SPAG16: variants seen among roughly 807,000 people sequenced by gnomAD.
SPAG16 encodes the protein sperm associated antigen 16.
In SPAG16, 86 loss-of-function variants were observed where a neutral mutation model predicts 80.4. The observed-to-expected ratio is 1.07, with a 90% CI of 0.90 to 1.28. The LOEUF is 1.28. SPAG16 is among the 50% of genes most tolerant of loss of function. The pLI is 0.00. For missense variants in SPAG16, 870 were observed against 765.3 expected (o/e 1.14, Z -1.61); for synonymous variants, 294 against 265.9 (o/e 1.11, Z -1.03).
intron 15 of SPAG16, among the ~76,000 whole-genome samples, chr2:214,223,457 A>C (rs113179866): frequency 0.018 from 2,737 of 152,182 alleles, 53 homozygotes; most frequent in African/African-American, 0.043. Flanking sequence ...CATAGAAGTG[A>C]GGGAGTAACC....
At chr2:213,613,605 A>G (rs898127355) in intron 10 of SPAG16, among the ~76,000 whole-genome samples, 1 of 152,180 alleles carries the variant, frequency 6.6e-6, no homozygotes, top group Non-Finnish European at 1.5e-5. Context: ...CTATCTAAAT[A>G]TTGTAAACAT....
intron 9 of SPAG16, among the ~76,000 whole-genome samples, chr2:213,489,081 GA>G (rs58151966): frequency 0.015 from 1,337 of 90,866 alleles, 19 homozygotes; most frequent in African/African-American, 0.05. Context: ...TCTCAAAAAC[GA>G]AAAAAAAAAA....
At chr2:213,504,982 C>T (rs1344090718) in intron 10 of SPAG16, among the ~76,000 whole-genome samples, 1 of 152,208 alleles carries the variant, frequency 6.6e-6, no homozygotes, top group Admixed American at 6.5e-5. Flanking sequence ...CAGTCTTTCC[C>T]CCTCAGACTT....
chr2:213,959,004 G>T (rs2044284924), intron 12 of SPAG16, among the ~76,000 whole-genome samples: 1 of 152,108 alleles, frequency 6.6e-6, no homozygotes, highest in South Asian at 2.1e-4. Flanking sequence ...TCCTCATTTT[G>T]AAGGGTATTT....
At chr2:213,939,615 C>G (rs2079119198) in intron 12 of SPAG16, among the ~76,000 whole-genome samples, 1 of 152,234 alleles carries the variant, frequency 6.6e-6, no homozygotes, top group Non-Finnish European at 1.5e-5. Context: ...TTTCAGGTAC[C>G]TGTCACACAT....
chr2:214,394,688 C>G (rs891979718), intron 15 of SPAG16, among the ~76,000 whole-genome samples: 1 of 152,192 alleles, frequency 6.6e-6, no homozygotes, highest in Non-Finnish European at 1.5e-5. Flanking sequence ...TCAAAATCCC[C>G]TGCCAGAGTG....
Position 214,120,624 on chromosome 2 carries a change from T to C in SPAG16, c.1593+12363T>C, listed in dbSNP as rs921315766. ...GTATTGTTGTACCCAATGAGTAATT[T>C]TCATTGTCACTTAAAATGTTCTCCT... On this transcript the variant is annotated intron_variant, in intron 14 of 15. Transcript: ENST00000331683. 2.6e-5 allele frequency among the ~76,000 whole-genome samples: 4 copies of C among 151,954 alleles called. No individual in the cohort carries two copies. In the South Asian group the frequency reaches 8.3e-4, roughly 31 times the overall value.
chr2:214,270,262 T>C (rs1310655570), intron 15 of SPAG16, among the ~76,000 whole-genome samples: 1 of 152,180 alleles, frequency 6.6e-6, no homozygotes, highest in African/African-American at 2.4e-5. Flanking sequence ...TCCTGTTAAT[T>C]TCATTTGCAT....
chr2:213,895,370 A>G (rs1300386881), intron 11 of SPAG16, among the ~76,000 whole-genome samples: 1 of 152,192 alleles, frequency 6.6e-6, no homozygotes, highest in Admixed American at 6.5e-5. Context: ...ATTCAATGCA[A>G]TCCCTATCAA....
At chr2:213,967,334 G>T (rs61528899) in intron 12 of SPAG16, among the ~76,000 whole-genome samples, 1,620 of 152,206 alleles carry the variant, frequency 0.011, 37 homozygotes, top group African/African-American at 0.036. Flanking sequence ...ATCCATTAGA[G>T]AATTGGTTTT....
chr2:214,134,223 A>C (rs1235077824), intron 14 of SPAG16, among the ~76,000 whole-genome samples: 1 of 152,166 alleles, frequency 6.6e-6, no homozygotes, highest in Non-Finnish European at 1.5e-5. Context: ...TGAAGTCTAC[A>C]CTGGCCTATT....
chr2:213,702,324 C>T (rs190674596), intron 10 of SPAG16, among the ~76,000 whole-genome samples: 16 of 152,240 alleles, frequency 1.1e-4, no homozygotes, highest in African/African-American at 3.1e-4. Flanking sequence ...CCGCTTGGGT[C>T]TCTTTTCATG....
intron 10 of SPAG16, among the ~76,000 whole-genome samples, chr2:213,831,954 A>G (rs1035043291): frequency 2.0e-5 from 3 of 151,992 alleles, no homozygotes; most frequent in Admixed American, 1.3e-4. Context: ...ACACTGGGCT[A>G]TATTGCCTCT....
At chr2:214,114,135 G>T (rs6733227) in intron 14 of SPAG16, among the ~76,000 whole-genome samples, 64,084 of 152,068 alleles carry the variant, frequency 0.42, 14,451 homozygotes, top group Admixed American at 0.52. Context: ...GACCCTGTTT[G>T]CCTGTGTATC....
intron 13 of SPAG16, among the ~76,000 whole-genome samples, chr2:214,096,332 T>G (rs1283835326): frequency 6.6e-6 from 1 of 151,992 alleles, no homozygotes; most frequent in African/African-American, 2.4e-5. Flanking sequence ...GCCAAGTACT[T>G]TGGTTCATTT....
intron 10 of SPAG16, among the ~76,000 whole-genome samples, chr2:213,718,660 A>G (rs1001816135): frequency 4.6e-5 from 7 of 152,070 alleles, no homozygotes; most frequent in Admixed American, 6.5e-5. Flanking sequence ...GGGTGTACTG[A>G]GTCCCCCAGC....
At position 214,315,864 on chromosome 2, in the gene SPAG16, T is replaced by A. The variant is rs572225668; in HGVS notation, c.1721-94276T>A. 1.1e-4 allele frequency among the ~76,000 whole-genome samples: 17 copies of A among 152,282 alleles called. No homozygotes were observed. In the East Asian group the frequency reaches 2.9e-3, roughly 26 times the overall value. On this transcript the variant is annotated intron_variant, in intron 15 of 15. Coordinates refer to ENST00000331683, the MANE Select transcript of SPAG16 (RefSeq NM_024532.5). ...TTCTTTTTACCAAATTATGCGTAAG[T>A]ATTTCCCTGATTGGTTTGGGGTGTT... is the stretch of plus-strand genomic sequence containing the variant.
intron 10 of SPAG16, among the ~76,000 whole-genome samples, chr2:213,802,395 CTCTATCTATCTA>C (rs58879510): frequency 0.035 from 5,117 of 148,112 alleles, 124 homozygotes; most frequent in Admixed American, 0.056. Flanking sequence ...TGATTCATGT[CTCTATCTATCTA>C]TCTATCTATC....
intron 5 of SPAG16, among the ~76,000 whole-genome samples, chr2:213,330,582 A>G (rs1187579374): frequency 3.3e-5 from 5 of 152,234 alleles, no homozygotes; most frequent in East Asian, 1.9e-4. Context: ...TTGATTTTAC[A>G]GGCTCATAGG....
Sources: gnomAD v4.1 joint callset for allele counts (sites outside exome capture counted in the v4.1 genomes callset) on GRCh38, gnomAD v4.1.1 for gene constraint, MANE v1.5 for transcripts, NCBI Gene and HGNC (gene_info 2026-07-23, HGNC 2026-07-21) for gene names.